PCNT: variants seen among roughly 807,000 people sequenced by gnomAD.
PCNT encodes the protein kendrin.
PCNT carries 319 observed loss-of-function variants against 380.4 expected under a neutral mutation model. That is an observed-to-expected ratio of 0.84 (90% confidence interval 0.77 to 0.92). The LOEUF is 0.92. Among genes scored for constraint, PCNT ranks in the 40% least tolerant of loss-of-function variants. The pLI, the probability that PCNT is intolerant of heterozygous loss-of-function variation, is 0.00. For synonymous variants in PCNT, 1,845 were observed against 1,735.2 expected (o/e 1.06, Z -1.57); for missense variants, 4,400 against 4,255.3 (o/e 1.03, Z -0.95).
Position 46,385,831 on chromosome 21 carries a change from G to A in PCNT, c.3313-1G>A, listed in dbSNP as rs1201715552. The stretch of plus-strand genomic sequence containing the variant: ...AAAGCTTTAACCATTTTTCTCGATA[G>A]CTGAAAGACCAGGTTTTATCCTTAA... On this transcript the variant is annotated splice_acceptor_variant, in intron 16 of 46. Transcript: ENST00000359568. LOFTEE classifies it high-confidence loss of function. 1 of 1,614,120 alleles carries A rather than the reference G, an allele frequency of 6.2e-7. No homozygotes were observed. The highest frequency in any genetic ancestry group is 8.5e-7 in the Non-Finnish European group (1 of 1,180,042).
Position 46,397,396 on chromosome 21 carries a change from C to G in PCNT, c.4348C>G (p.His1450Asp). ...ESELEEQLSQ[H>D]RGCAKQAEAV... ...TGAGTTAGAAGAACAGCTGTCTCAG[C>G]ATCGCGGGTGTGCCAAGCAGGCGGA... Residue 1450 changes from histidine to aspartate, a missense_variant, in exon 22 of 47, where the codon CAT (histidine) becomes GAT (aspartate). His to Asp is a moderately conservative substitution (Grantham distance 81, BLOSUM62 -1). Transcript: ENST00000359568. 6.2e-7 allele frequency: 1 copy of G among 1,614,182 alleles called. No homozygotes were observed. Among genetic ancestry groups the G allele is most frequent in the Non-Finnish European group, 8.5e-7 (1 of 1,180,026 alleles).
At chr21:46,325,629 C>T (rs1411780678) in intron 1 of PCNT, among the ~76,000 whole-genome samples, 1 of 152,206 alleles carries the variant, frequency 6.6e-6, no homozygotes, top group Admixed American at 6.5e-5. Flanking sequence ...ATGTGTGTTC[C>T]ATGCGTTTGT....
At chr21:46,326,764 CGCACTTTGGGAGGCCGAGGCAG>C (rs2083407839) in intron 2 of PCNT, among the ~76,000 whole-genome samples, 175 bp downstream of exon 2, 1 of 152,052 alleles carries the variant, frequency 6.6e-6, no homozygotes, top group South Asian at 2.1e-4. Flanking sequence ...CTGTAATCCC[CGCACTTTGGGAGGCCGAGGCAG>C]GCGGATCACC....
intron 2 of PCNT, among the ~76,000 whole-genome samples, chr21:46,329,294 T>C (rs1004414866): frequency 6.6e-6 from 1 of 152,226 alleles, no homozygotes. Flanking sequence ...TGCTATTTGA[T>C]GCATGCCTTC....
In PCNT at chr21:46,366,646, A is replaced by G; in HGVS notation, c.2672A>G (p.Gln891Arg). ...AGTGCGGAACAAGATGCCTTCCTGC[A>G]GGAGGCCCAGGAGCAGCATGCCCGT... ...KFSAEQDAFL[Q>R]EAQEQHAREL... Residue 891 changes from glutamine (Q) to arginine (R), a missense_variant, in exon 15 of 47, where the codon CAG becomes CGG. Physicochemically the swap from Gln to Arg is conservative, Grantham distance 43. Transcript: ENST00000359568. 1 of 1,613,838 alleles carries G rather than the reference A, an allele frequency of 6.2e-7. No individual in the cohort carries two copies. Among genetic ancestry groups the G allele is most frequent in the Non-Finnish European group, 8.5e-7 (1 of 1,179,892 alleles).
At chr21:46,420,272 A>G (rs944897489) in intron 31 of PCNT, among the ~76,000 whole-genome samples, 2 of 151,952 alleles carry the variant, frequency 1.3e-5, no homozygotes, top group African/African-American at 2.4e-5. Context: ...CTGTTATTCA[A>G]CTATATCAGG....
At chr21:46,398,827 T>TC (rs1449389698) in intron 24 of PCNT, among the ~76,000 whole-genome samples, 2 of 149,182 alleles carry the variant, frequency 1.3e-5, no homozygotes, top group African/African-American at 2.5e-5. Flanking sequence ...TTTCTTTTTT[T>TC]TTTTTTTTTT....
chr21:46,399,412 G>A (rs559037789), intron 24 of PCNT, among the ~76,000 whole-genome samples, 178 bp from the exon 25 acceptor site: 51 of 137,342 alleles, frequency 3.7e-4, no homozygotes, highest in African/African-American at 1.2e-3. Flanking sequence ...AGGTCTCCCT[G>A]TGCAGTCTTT....
chr21:46,362,349 A>G (rs754793735), intron 13 of PCNT, among the ~76,000 whole-genome samples: 8 of 152,176 alleles, frequency 5.3e-5, no homozygotes, highest in Non-Finnish European at 1.0e-4. Flanking sequence ...AGCTGGAAAA[A>G]GAGAATGGCT....
chr21:46,359,480 G>GTTTTTTTGTTTTT (rs2084611358), intron 13 of PCNT, among the ~76,000 whole-genome samples: 1 of 65,750 alleles, frequency 1.5e-5, no homozygotes, highest in Non-Finnish European at 3.4e-5. Context: ...AAATACACCT[G>GTTTTTTTGTTTTT]TTTTTTTTTT....
At chr21:46,334,821 T>C in intron 3 of PCNT, 53 bp downstream of exon 3, 2 of 1,613,496 alleles carry the variant, frequency 1.2e-6, no homozygotes, top group Admixed American at 3.3e-5. Context: ...GATTTCTTTA[T>C]GTTGTAGAAA....
At chr21:46,434,933 C>A (rs1431788896) in intron 38 of PCNT, among the ~76,000 whole-genome samples, 8 of 152,236 alleles carry the variant, frequency 5.3e-5, no homozygotes, top group African/African-American at 1.9e-4. Context: ...AGGCTCCTCT[C>A]CTTTGGACCC....
Position 46,430,517 on chromosome 21 carries a change from A to C in PCNT, c.7924A>C (p.Ser2642Arg). Residue 2642 changes from serine to arginine, a missense_variant, in exon 37 of 47, where the codon AGC becomes CGC. Physicochemically the swap from Ser to Arg is moderately radical, Grantham distance 110. Transcript: ENST00000359568. Reference protein sequence around the residue: ...QEVLQLRSMLSSKENELKAAL... With the variant: ...QEVLQLRSMLRSKENELKAAL... Reference sequence around the variant, plus strand: ...GATGTCTCCACGCAGATCCATGCTGAGCAGTAAGGAGAACGAGCTGAAGGC... The same window carrying C: ...GATGTCTCCACGCAGATCCATGCTGCGCAGTAAGGAGAACGAGCTGAAGGC... 6.4e-7 allele frequency: 1 copy of C among 1,551,914 alleles called. No individual in the cohort carries two copies. The highest frequency in any genetic ancestry group is 1.2e-5 in the South Asian group (1 of 84,134).
intron 7 of PCNT, 51 bp downstream of exon 7, chr21:46,349,237 A>G: frequency 1.4e-6 from 2 of 1,401,266 alleles, no homozygotes; most frequent in South Asian, 1.2e-5. Flanking sequence ...TTTCCTAGGT[A>G]GTACTGGAAG....
intron 32 of PCNT, among the ~76,000 whole-genome samples, chr21:46,423,927 G>T (rs1285938723): frequency 1.3e-5 from 2 of 152,246 alleles, no homozygotes; most frequent in Admixed American, 6.5e-5. Context: ...AAATCACAAG[G>T]AGTTTTTTTC....
intron 2 of PCNT, among the ~76,000 whole-genome samples, chr21:46,331,889 T>A (rs955495143): frequency 1.3e-5 from 2 of 151,938 alleles, no homozygotes; most frequent in African/African-American, 4.8e-5. Flanking sequence ...GCGGGACGCA[T>A]TGGCTCATGC....
At chr21:46,418,091 C>G in intron 30 of PCNT, 113 bp from the exon 31 acceptor site, 1 of 703,206 alleles carries the variant, frequency 1.4e-6, no homozygotes, top group Non-Finnish European at 2.6e-6. Flanking sequence ...GTTGTTTCAT[C>G]TGGGGTCTAT....
rs370686053 is a variant in PCNT, at chr21:46,422,039, C to T, written c.7094C>T (p.Pro2365Leu). The change falls in exon 32 of 47, where the codon CCT (proline) becomes CTT (leucine). Residue 2365 changes from proline (P) to leucine (L), a missense_variant. Transcript: ENST00000359568. ...SGGPEAQTAG[P>L]VTPASISGRF... Reference sequence around the variant, plus strand: ...GGCCCTGAGGCTCAAACTGCTGGTCCTGTGACCCCTGCTTCCATCTCTGGA... The same window carrying T: ...GGCCCTGAGGCTCAAACTGCTGGTCTTGTGACCCCTGCTTCCATCTCTGGA... 9.3e-6 allele frequency: 15 copies of T among 1,613,948 alleles called. No individual in the cohort carries two copies. Among genetic ancestry groups the T allele is most frequent in the African/African-American group, 2.7e-5 (2 of 74,940 alleles).
intron 2 of PCNT, among the ~76,000 whole-genome samples, chr21:46,332,452 C>T (rs7279533): frequency 0.012 from 1,853 of 152,246 alleles, 35 homozygotes; most frequent in African/African-American, 0.042. Flanking sequence ...AAATTTGATC[C>T]AACCTCTTTG....
Sources: allele counts gnomAD v4.1 joint callset (sites outside exome capture counted in the v4.1 genomes callset), GRCh38; gene constraint gnomAD v4.1.1; transcripts MANE v1.5; gene names NCBI Gene and HGNC (gene_info 2026-07-23, HGNC 2026-07-21).